The following FAM193A variants were observed in gnomAD, a reference collection of about 807,000 sequenced individuals.
FAM193A encodes the protein family with sequence similarity 193 member A, also known as protein FAM193A.
Under a neutral mutation model 126.5 loss-of-function variants are expected in FAM193A, and 22 were observed. The observed-to-expected ratio is 0.17, with a 90% CI of 0.12 to 0.25. FAM193A has a LOEUF of 0.25. FAM193A is among the 10% of genes least tolerant of loss of function. The pLI, the probability that FAM193A is intolerant of heterozygous loss-of-function variation, is 1.00. For missense variants in FAM193A, 1,675 were observed against 1,672.8 expected, an observed-to-expected ratio of 1.00 and a Z score of -0.02; for synonymous variants, 761 against 646.8, an observed-to-expected ratio of 1.18 and a Z score of -2.68.
In FAM193A at chr4:2,690,727, G is replaced by A. The variant is rs748740201; in HGVS notation, c.2560G>A (p.Glu854Lys). 2 of 1,613,642 alleles carry A rather than the reference G, an allele frequency of 1.2e-6. No individual in the cohort carries two copies. Among genetic ancestry groups the A allele is most frequent in the East Asian group, 4.5e-5 (2 of 44,882 alleles). The change falls in exon 15 of 21, where the codon GAA becomes AAA. Residue 854 changes from glutamate to lysine, a missense_variant. Glu to Lys is a moderately conservative substitution (Grantham distance 56). This residue lies in a region of FAM193A where 1,186 missense variants were observed against 1,109.2 expected (regional missense o/e 1.07). Transcript: ENST00000637812. ...TGAAATATTAGGGCCAACACTCTCA[G>A]AAACAAGACCGGAAGCCCTTCCACC... ...GSEILGPTLS[E>K]TRPEALPPPS...
At chr4:2,628,965 G>C (rs2108990852) in intron 4 of FAM193A, among the ~76,000 whole-genome samples, 1 of 150,992 alleles carries the variant, frequency 6.6e-6, no homozygotes, top group East Asian at 2.0e-4. Flanking sequence ...CCATTCTCCT[G>C]CCTCAGCCTC....
chr4:2,683,019 C>A (rs1440006908), intron 13 of FAM193A, among the ~76,000 whole-genome samples: 3 of 152,182 alleles, frequency 2.0e-5, no homozygotes, highest in African/African-American at 7.2e-5. Context: ...CAGGGCAGGT[C>A]TGCTGGTGAT....
intron 20 of FAM193A, among the ~76,000 whole-genome samples, chr4:2,731,560 C>T (rs1428179673): frequency 6.6e-6 from 1 of 151,984 alleles, no homozygotes; most frequent in Non-Finnish European, 1.5e-5. Flanking sequence ...TCCTTCCGCC[C>T]ACCCATTCCT....
At chr4:2,703,060 T>G (rs780209018) in intron 19 of FAM193A, among the ~76,000 whole-genome samples, 3 of 152,188 alleles carry the variant, frequency 2.0e-5, no homozygotes, top group Non-Finnish European at 4.4e-5. Flanking sequence ...TAGTGTATTA[T>G]AGACATAATA....
chr4:2,702,391 C>T (rs1035507687), intron 19 of FAM193A, among the ~76,000 whole-genome samples: 26 of 152,284 alleles, frequency 1.7e-4, no homozygotes, highest in African/African-American at 6.3e-4. Context: ...CGTGTCTTCT[C>T]TCTCCCAGCC....
At chr4:2,656,530 C>T (rs1192664616) in intron 7 of FAM193A, among the ~76,000 whole-genome samples, 5 of 152,180 alleles carry the variant, frequency 3.3e-5, no homozygotes, top group South Asian at 2.1e-4. Flanking sequence ...TGCTCATGGC[C>T]GTCACCACCC....
At chr4:2,723,220 G>A (rs1360590524) in intron 20 of FAM193A, among the ~76,000 whole-genome samples, 1 of 152,156 alleles carries the variant, frequency 6.6e-6, no homozygotes, top group Non-Finnish European at 1.5e-5. Flanking sequence ...GTTGCAGTGA[G>A]CCAACATCAC....
rs1721428680 is a variant in FAM193A at position 2,731,840 on chromosome 4, T to C, written c.4520T>C (p.Leu1507Ser). Residue 1507 changes from leucine (L) to serine (S), a missense_variant, in exon 21 of 21, where the codon TTG becomes TCG. Physicochemically the swap from Leu to Ser is moderately radical, Grantham distance 145. Transcript: ENST00000637812. Reference sequence around the variant, plus strand: ...TCTATCAACTGGTCCAATTTTAGCTTGAAAAAAGCCACCTTTGCTGCCCAC... The same window carrying C: ...TCTATCAACTGGTCCAATTTTAGCTCGAAAAAAGCCACCTTTGCTGCCCAC... ...RLSINWSNFSLKKATFAAH is the reference protein window; with the variant it reads ...RLSINWSNFSSKKATFAAH 1 of 1,613,194 alleles carries C rather than the reference T, an allele frequency of 6.2e-7. No individual in the cohort carries two copies. The highest frequency in any genetic ancestry group is 8.5e-7 in the Non-Finnish European group (1 of 1,179,486).
At chr4:2,656,383 G>A (rs920673551) in intron 7 of FAM193A, among the ~76,000 whole-genome samples, 2 of 152,166 alleles carry the variant, frequency 1.3e-5, no homozygotes, top group African/African-American at 4.8e-5. Context: ...TCTCCCTCGA[G>A]TCAGTTTTAC....
At chr4:2,623,138 C>T (rs1742654801) in intron 2 of FAM193A, among the ~76,000 whole-genome samples, 1 of 152,086 alleles carries the variant, frequency 6.6e-6, no homozygotes, top group African/African-American at 2.4e-5. Flanking sequence ...AGCTCTTACC[C>T]TCCTGTGTGC....
intron 5 of FAM193A, 111 bp from the exon 6 acceptor site, chr4:2,639,624 T>A: frequency 1.6e-6 from 1 of 628,852 alleles, no homozygotes; most frequent in Non-Finnish European, 2.5e-6. Context: ...TGAAGAGGGA[T>A]GTGTGCGTGG....
intron 13 of FAM193A, among the ~76,000 whole-genome samples, chr4:2,685,344 T>TA (rs1715614682): frequency 2.0e-5 from 3 of 152,238 alleles, no homozygotes; most frequent in Admixed American, 1.3e-4. Flanking sequence ...ACGCATTTAA[T>TA]ACAGTTAAAA....
Position 2,689,685 on chromosome 4 carries a change from C to T in FAM193A, c.2511C>T (p.Phe837=). ...ATAAGAACTGGAATCCTGGCACTTTCTTGCCAGATACAATTTCTGGTAAGG... is the reference window on the plus strand; with the variant it reads ...ATAAGAACTGGAATCCTGGCACTTTTTTGCCAGATACAATTTCTGGTAAGG... ...MNDKNWNPGT[F]LPDTISGSEI... The change falls in exon 14 of 21, where the codon TTC becomes TTT. Residue 837 remains phenylalanine (F), a synonymous_variant. Transcript: ENST00000637812. The T allele has an allele frequency of 1.3e-6, 2 of 1,569,828 alleles. No homozygotes were observed. The highest frequency in any genetic ancestry group is 1.7e-6 in the Non-Finnish European group (2 of 1,165,562).
intron 6 of FAM193A, among the ~76,000 whole-genome samples, chr4:2,643,797 G>A (rs567138244): frequency 1.9e-3 from 290 of 152,278 alleles, no homozygotes; most frequent in Non-Finnish European, 3.5e-3. Context: ...GGTTCTGGAC[G>A]GCTCTGCTCA....
At chr4:2,699,624 G>A in intron 18 of FAM193A, 56 bp from the exon 19 acceptor site, 2 of 1,507,974 alleles carry the variant, frequency 1.3e-6, no homozygotes, top group South Asian at 2.6e-5. Context: ...TTTTCTGTAT[G>A]ACTTAATTTT....
intron 1 of FAM193A, among the ~76,000 whole-genome samples, chr4:2,577,769 C>G (rs1739694341): frequency 6.6e-6 from 1 of 152,122 alleles, no homozygotes; most frequent in Admixed American, 6.5e-5. Flanking sequence ...TGTTCCCATT[C>G]TGTTTAGGGC....
At chr4:2,614,311 G>T (rs994071636) in intron 2 of FAM193A, among the ~76,000 whole-genome samples, 1 of 152,108 alleles carries the variant, frequency 6.6e-6, no homozygotes, top group Non-Finnish European at 1.5e-5. Context: ...TTTTTAGTTT[G>T]CTAAGAATTA....
intron 1 of FAM193A, among the ~76,000 whole-genome samples, chr4:2,590,486 CAAAAAAAAACAAAAAAAAACAAAAAA>C (rs1560464545): frequency 0.015 from 581 of 38,002 alleles, 83 homozygotes; most frequent in African/African-American, 0.096. Flanking sequence ...CAAAAAAAAA[CAAAAAAAAACAAAAAAAAACAAAAAA>C]AAAACAAAAC....
At position 2,664,558 on chromosome 4, in the gene FAM193A, C is replaced by CTTTTTTTTT. The variant is rs33958851; in HGVS notation, c.2079+1288_2079+1296dup. On this transcript the variant is annotated intron_variant, in intron 12 of 20. Transcript: ENST00000637812. ...ACCTTTCTCTCTCTCTATTTTCTTT[C>CTTTTTTTTT]TTTTTTTTTTTTTTTTTTTTTTTTT... Among the ~76,000 whole-genome samples the CTTTTTTTTT allele has an allele frequency of 6.2e-4, 45 of 73,096 alleles. 1 individual carries two copies. Among genetic ancestry groups the CTTTTTTTTT allele is most frequent in the Non-Finnish European group, 7.8e-4 (30 of 38,276 alleles). The allele number at this position is 73,096 out of a possible 152,430, so 48.0% of individuals were successfully genotyped here.
Sources: gnomAD v4.1 joint callset for allele counts (sites outside exome capture counted in the v4.1 genomes callset) on GRCh38, gnomAD v4.1.1 for gene constraint, gnomAD v4.1.1 regional missense constraint, MANE v1.5 for transcripts, NCBI Gene and HGNC (gene_info 2026-07-23, HGNC 2026-07-21) for gene names.